Variants in CNTN5 observed in about 807,000 individuals in gnomAD.
The protein encoded by CNTN5 is contactin 5, also known as contactin-5.
A neutral mutation model predicts 129.1 loss-of-function variants in CNTN5; 77 were observed. The observed-to-expected ratio is 0.60, with a 90% CI of 0.50 to 0.72. CNTN5 has a LOEUF of 0.72. Ranked by LOEUF, CNTN5 falls within the 30% of genes least tolerant of loss-of-function variation. The pLI, the probability that CNTN5 is intolerant of heterozygous loss-of-function variation, is 0.00. For synonymous variants in CNTN5, 509 were observed against 465.6 expected, an observed-to-expected ratio of 1.09 and a Z score of -1.20; for missense variants, 1,478 against 1,328.8, an observed-to-expected ratio of 1.11 and a Z score of -1.75.
intron 1 of CNTN5, among the ~76,000 whole-genome samples, chr11:99,177,647 T>G (rs111619746): frequency 2.6e-5 from 4 of 152,260 alleles, no homozygotes; most frequent in African/African-American, 9.6e-5. Context: ...GAAGAGGAGC[T>G]CTGGTAAGTA....
chr11:99,703,472 C>T (rs1322833243), intron 3 of CNTN5, among the ~76,000 whole-genome samples: 1 of 150,480 alleles, frequency 6.6e-6, no homozygotes, highest in African/African-American at 2.4e-5. Context: ...CTTGTCATTT[C>T]TTCAGTGCTT....
At chr11:99,583,009 A>G (rs949593823) in intron 3 of CNTN5, among the ~76,000 whole-genome samples, 1 of 152,250 alleles carries the variant, frequency 6.6e-6, no homozygotes, top group East Asian at 1.9e-4. Context: ...TTTGGTGTGG[A>G]TGTCCTCTCT....
intron 3 of CNTN5, among the ~76,000 whole-genome samples, chr11:99,563,879 A>G (rs971092241): frequency 3.9e-5 from 6 of 152,208 alleles, no homozygotes; most frequent in Admixed American, 2.6e-4. Flanking sequence ...ATTTCATTGG[A>G]CAAAGCAAAT....
intron 4 of CNTN5, among the ~76,000 whole-genome samples, chr11:99,841,802 T>TATATA (rs778398133): frequency 1.7e-5 from 2 of 119,822 alleles, no homozygotes; most frequent in South Asian, 6.5e-4. Flanking sequence ...TATATATATG[T>TATATA]GGTGTGTGTG....
chr11:99,864,862 A>T (rs1449351281), intron 6 of CNTN5, among the ~76,000 whole-genome samples: 1 of 152,206 alleles, frequency 6.6e-6, no homozygotes, highest in Non-Finnish European at 1.5e-5. Flanking sequence ...AGCAGTTTTC[A>T]TATACCACGA....
intron 3 of CNTN5, among the ~76,000 whole-genome samples, chr11:99,556,702 C>T (rs1367602383): frequency 1.3e-5 from 2 of 149,546 alleles, no homozygotes; most frequent in East Asian, 2.0e-4. Context: ...TGTCTCATCA[C>T]AATGCTAAAT....
rs879637917 is a variant in CNTN5 at position 100,340,977 on chromosome 11, C to T, written c.2918-116C>T. On this transcript the variant is annotated intron_variant, in intron 22 of 24. Transcript: ENST00000524871. ...TTATCTGACTCCAGCTGGAAGGAAG[C>T]CTAGATTGCCAGCCAACTACTAAGC... 2.0e-5 allele frequency: 15 copies of T among 760,794 alleles called. No homozygotes were observed. The Admixed American group carries it at 2.6e-4, about 13-fold the overall frequency. The allele number at this position is 760,794 out of a possible 1,614,324, so 47.1% of individuals were successfully genotyped here.
intron 9 of CNTN5, among the ~76,000 whole-genome samples, chr11:100,042,937 C>CTA (rs937501138): frequency 3.3e-5 from 5 of 152,258 alleles, no homozygotes; most frequent in African/African-American, 1.2e-4. Context: ...TTCAACAGAA[C>CTA]TAAAATAGGA....
At chr11:99,431,847 G>A (rs1334181576) in intron 2 of CNTN5, among the ~76,000 whole-genome samples, 1 of 152,130 alleles carries the variant, frequency 6.6e-6, no homozygotes, top group Non-Finnish European at 1.5e-5. Flanking sequence ...ACGGGCTGGA[G>A]GGTCAAGAGG....
intron 2 of CNTN5, among the ~76,000 whole-genome samples, chr11:99,369,499 T>A (rs1939699532): frequency 6.6e-6 from 1 of 151,618 alleles, no homozygotes; most frequent in Non-Finnish European, 1.5e-5. Flanking sequence ...TATTTGCTGA[T>A]AATATGTTCT....
Position 99,162,276 on chromosome 11 carries a change from G to T in CNTN5, c.-210+141006G>T, listed in dbSNP as rs377268397. Reference sequence around the variant, plus strand: ...AGTTGGCTTGAGGGTTCCTAGACATGTTTTTTTTTTCTTTTCATTGATAAA... The same window carrying T: ...AGTTGGCTTGAGGGTTCCTAGACATTTTTTTTTTTTCTTTTCATTGATAAA... On this transcript the variant is annotated intron_variant, in intron 1 of 24. Coordinates refer to ENST00000524871, the MANE Select transcript of CNTN5 (RefSeq NM_014361.4). Among the ~76,000 whole-genome samples the T allele has an allele frequency of 3.3e-5, 5 of 150,160 alleles. No homozygotes were observed. In the East Asian group the frequency reaches 5.9e-4, roughly 18 times the overall value.
At chr11:100,154,886 G>T (rs1449106903) in intron 13 of CNTN5, among the ~76,000 whole-genome samples, 1 of 151,800 alleles carries the variant, frequency 6.6e-6, no homozygotes, top group African/African-American at 2.4e-5. Flanking sequence ...TTGTAAATTT[G>T]TTTGAGTTCT....
rs1565335628 is a variant in CNTN5, at chr11:99,598,326, GTCCCTCTCTCTC to G, written c.55+42060_55+42071del. ...TTTCTTTTCTTTTCTTTTCTTTTCT[GTCCCTCTCTCTC>G]TCTCTCTCTCTCTCTCTCTCTCTCT... On this transcript the variant is annotated intron_variant, in intron 3 of 24. Transcript: ENST00000524871. Among the ~76,000 whole-genome samples, 13 of 4,302 alleles carry G rather than the reference GTCCCTCTCTCTC, an allele frequency of 3.0e-3. 2 individuals are homozygous for G. Among genetic ancestry groups the G allele is most frequent in the Non-Finnish European group, 4.0e-3 (8 of 1,994 alleles). 2.8% of individuals were successfully genotyped at this position (4,302 alleles called of 152,430 possible).
chr11:99,122,834 A>T (rs1338456525), intron 1 of CNTN5, among the ~76,000 whole-genome samples: 1 of 152,084 alleles, frequency 6.6e-6, no homozygotes, highest in African/African-American at 2.4e-5. Context: ...TCTCAGGATA[A>T]TGGTCTCCAG....
rs114612895 is a variant in CNTN5, at chr11:99,696,377, A to T, written c.56-123167A>T. Among the ~76,000 whole-genome samples, 1,238 of 152,176 alleles carry T rather than the reference A, an allele frequency of 8.1e-3. 15 individuals are homozygous for T. Among genetic ancestry groups the T allele is most frequent in the African/African-American group, 0.028 (1,154 of 41,536 alleles). On this transcript the variant is annotated intron_variant, in intron 3 of 24. Coordinates refer to ENST00000524871, the MANE Select transcript of CNTN5 (RefSeq NM_014361.4). ...TCTTTCATTGTCATTTTTGTTTGACAGAGTATGATGAGATAGAGTATTTTT... is the reference window on the plus strand; with the variant it reads ...TCTTTCATTGTCATTTTTGTTTGACTGAGTATGATGAGATAGAGTATTTTT...
chr11:99,432,454 T>TCCTTTCTTTC (rs1474261010), intron 2 of CNTN5, among the ~76,000 whole-genome samples: 1 of 118,204 alleles, frequency 8.5e-6, no homozygotes, highest in South Asian at 2.7e-4. Flanking sequence ...TCTTTTCTTT[T>TCCTTTCTTTC]CTTTTCTTTC....
chr11:99,785,202 T>G (rs570701915), intron 3 of CNTN5, among the ~76,000 whole-genome samples: 146 of 152,282 alleles, frequency 9.6e-4, no homozygotes, highest in African/African-American at 3.5e-3. Context: ...CATAAATGTC[T>G]TCTTTTGAGA....
chr11:99,336,818 ACT>A (rs1866244101), intron 2 of CNTN5, among the ~76,000 whole-genome samples: 1 of 151,038 alleles, frequency 6.6e-6, no homozygotes, highest in African/African-American at 2.4e-5. Context: ...ACAGAGTGAG[ACT>A]CTGTCTCAAA....
intron 2 of CNTN5, among the ~76,000 whole-genome samples, chr11:99,486,408 A>G (rs936557768): frequency 6.6e-6 from 1 of 152,180 alleles, no homozygotes; most frequent in Non-Finnish European, 1.5e-5. Flanking sequence ...AGCATAGTGC[A>G]TAACAAATAA....
Sources: allele counts gnomAD v4.1 joint callset (sites outside exome capture counted in the v4.1 genomes callset), GRCh38; gene constraint gnomAD v4.1.1; transcripts MANE v1.5; gene names NCBI Gene and HGNC (gene_info 2026-07-23, HGNC 2026-07-21).